EBF1: variants seen among roughly 807,000 people sequenced by gnomAD.
The protein encoded by EBF1 is EBF transcription factor 1, also known as transcription factor COE1.
Under a neutral mutation model 68.4 loss-of-function variants are expected in EBF1, and 10 were observed. The observed-to-expected ratio is 0.15, with a 90% CI of 0.09 to 0.25. The LOEUF (loss-of-function observed/expected upper bound fraction) is 0.25. EBF1 is among the 10% of genes least tolerant of loss of function. EBF1 has a pLI of 1.00. For missense variants in EBF1, 509 were observed against 794.4 expected (o/e 0.64, Z 4.32); for synonymous variants, 298 against 299.8 (o/e 0.99, Z 0.06).
intron 11 of EBF1, among the ~76,000 whole-genome samples, chr5:158,728,949 G>GAGTT (rs1763532249): frequency 6.6e-6 from 1 of 152,148 alleles, no homozygotes; most frequent in African/African-American, 2.4e-5. Context: ...GATCCCCTAT[G>GAGTT]AGTTAGCATG....
intron 9 of EBF1, among the ~76,000 whole-genome samples, chr5:158,795,533 A>G (rs1313484153): frequency 1.3e-5 from 2 of 152,200 alleles, no homozygotes; most frequent in Admixed American, 1.3e-4. Flanking sequence ...TAACCCTAAC[A>G]TTGTTTTTAT....
intron 10 of EBF1, among the ~76,000 whole-genome samples, chr5:158,732,619 A>C (rs1214521057): frequency 6.6e-6 from 1 of 152,172 alleles, no homozygotes; most frequent in Non-Finnish European, 1.5e-5. Context: ...TAAAGTGGCC[A>C]GAAATCCATT....
rs374085220 is a variant in EBF1 at position 158,891,048 on chromosome 5, G to C, written c.555-50938C>G. Among the ~76,000 whole-genome samples the C allele has an allele frequency of 2.0e-3, 310 of 152,310 alleles. 3 individuals are homozygous for C. Among genetic ancestry groups the C allele is most frequent in the African/African-American group, 7.3e-3 (302 of 41,578 alleles). On this transcript the variant is annotated intron_variant, in intron 6 of 15. Coordinates refer to ENST00000313708, the MANE Select transcript of EBF1 (RefSeq NM_024007.5). The stretch of plus-strand genomic sequence containing the variant: ...ACAAGTGAAACTGGTATGTTACTCT[G>C]TCTTCCACAAAAGAATCACAGGTTA...
chr5:158,761,345 G>A (rs970899517), intron 10 of EBF1, among the ~76,000 whole-genome samples: 2 of 152,082 alleles, frequency 1.3e-5, no homozygotes, highest in South Asian at 2.1e-4. Flanking sequence ...TGATTATTTC[G>A]ATGTTAACAT....
At chr5:158,780,707 G>T (rs750660817) in intron 9 of EBF1, among the ~76,000 whole-genome samples, 7 of 151,800 alleles carry the variant, frequency 4.6e-5, no homozygotes, top group Admixed American at 3.3e-4. Flanking sequence ...AGACTTTTTT[G>T]CCCTGAGACT....
intron 9 of EBF1, among the ~76,000 whole-genome samples, chr5:158,789,557 A>G (rs1778164746): frequency 6.6e-6 from 1 of 152,196 alleles, no homozygotes; most frequent in Non-Finnish European, 1.5e-5. Flanking sequence ...GGTATAACCA[A>G]AAGCTGAATG....
intron 6 of EBF1, among the ~76,000 whole-genome samples, chr5:159,068,913 T>C (rs1292260294): frequency 1.3e-5 from 2 of 152,122 alleles, no homozygotes; most frequent in Non-Finnish European, 2.9e-5. Flanking sequence ...TTTGTGTATT[T>C]TTTTTATGTC....
chr5:159,027,350 T>G (rs1257548174), intron 6 of EBF1, among the ~76,000 whole-genome samples: 3 of 152,138 alleles, frequency 2.0e-5, no homozygotes, highest in Non-Finnish European at 4.4e-5. Flanking sequence ...CTCCTCCAAG[T>G]TACTAATACA....
At chr5:159,026,659 G>A (rs1406657030) in intron 6 of EBF1, among the ~76,000 whole-genome samples, 1 of 152,140 alleles carries the variant, frequency 6.6e-6, no homozygotes, top group Admixed American at 6.5e-5. Context: ...ACAGGCCTTA[G>A]AAGGCATGCA....
At chr5:158,745,083 C>T (rs1767245953) in intron 10 of EBF1, among the ~76,000 whole-genome samples, 1 of 152,152 alleles carries the variant, frequency 6.6e-6, no homozygotes, top group African/African-American at 2.4e-5. Context: ...ATTTAATCTT[C>T]CCCTTTGGAT....
intron 11 of EBF1, among the ~76,000 whole-genome samples, chr5:158,726,474 T>C (rs1561752929): frequency 6.6e-6 from 1 of 152,226 alleles, no homozygotes; most frequent in Non-Finnish European, 1.5e-5. Flanking sequence ...CTCAGGGGTA[T>C]AGGACATGAA....
intron 6 of EBF1, among the ~76,000 whole-genome samples, chr5:158,988,250 T>C (rs1759532868): frequency 6.6e-6 from 1 of 152,166 alleles, no homozygotes; most frequent in Non-Finnish European, 1.5e-5. Flanking sequence ...CTCTTCGTAA[T>C]TGTACTTTTC....
intron 6 of EBF1, among the ~76,000 whole-genome samples, chr5:158,958,431 G>A (rs1184006724): frequency 6.6e-6 from 1 of 151,994 alleles, no homozygotes; most frequent in Non-Finnish European, 1.5e-5. Context: ...TTAGAGTGAG[G>A]TTCCGATCAC....
intron 10 of EBF1, among the ~76,000 whole-genome samples, chr5:158,736,905 T>C (rs1256791357): frequency 1.3e-5 from 2 of 152,192 alleles, no homozygotes; most frequent in Non-Finnish European, 2.9e-5. Context: ...GCCAGAAATA[T>C]TGTTCACGAG....
At chr5:158,781,287 T>C (rs991546198) in intron 9 of EBF1, among the ~76,000 whole-genome samples, 1 of 152,226 alleles carries the variant, frequency 6.6e-6, no homozygotes, top group East Asian at 1.9e-4. Context: ...CATTGATTCC[T>C]GATTATTTTG....
At chr5:158,794,186 C>T (rs908214813) in intron 9 of EBF1, among the ~76,000 whole-genome samples, 6 of 152,182 alleles carry the variant, frequency 3.9e-5, no homozygotes, top group African/African-American at 1.4e-4. Context: ...CCACCCTCAG[C>T]TCCTGGCTGG....
At chr5:159,046,261 C>T (rs960434586) in intron 6 of EBF1, among the ~76,000 whole-genome samples, 3 of 152,102 alleles carry the variant, frequency 2.0e-5, no homozygotes, top group African/African-American at 4.8e-5. Flanking sequence ...CACAGACCCT[C>T]GAGGGTAGAA....
At chr5:159,049,736 G>A (rs1159963038) in intron 6 of EBF1, among the ~76,000 whole-genome samples, 4 of 152,156 alleles carry the variant, frequency 2.6e-5, no homozygotes, top group Non-Finnish European at 5.9e-5. Flanking sequence ...ATTGTCCAAC[G>A]TTAGAATCAA....
At chr5:158,747,717 T>C (rs534181027) in intron 10 of EBF1, among the ~76,000 whole-genome samples, 1 of 152,338 alleles carries the variant, frequency 6.6e-6, no homozygotes, top group East Asian at 1.9e-4. Flanking sequence ...TTTACCTACA[T>C]TCTTGTAATG....
Sources: gnomAD v4.1 joint callset for allele counts (sites outside exome capture counted in the v4.1 genomes callset) on GRCh38, gnomAD v4.1.1 for gene constraint, MANE v1.5 for transcripts, NCBI Gene and HGNC (gene_info 2026-07-23, HGNC 2026-07-21) for gene names.